DGCR2: variants seen among roughly 807,000 people sequenced by gnomAD.
The protein encoded by DGCR2 is DiGeorge syndrome critical region gene 2, also known as integral membrane protein DGCR2/IDD.
DGCR2 carries 24 observed loss-of-function variants against 51.6 expected under a neutral mutation model. That is an observed-to-expected ratio of 0.47 (90% CI 0.34 to 0.65). The LOEUF is 0.65. Ranked by LOEUF, DGCR2 falls within the 30% of genes least tolerant of loss-of-function variation. The probability of loss-of-function intolerance (pLI) is 0.01; values close to 1 mark genes in which losing one functional copy is unlikely to be tolerated. For missense variants in DGCR2, 765 were observed against 772.1 expected, an observed-to-expected ratio of 0.99 and a Z score of 0.11; for synonymous variants, 340 against 315.4, an observed-to-expected ratio of 1.08 and a Z score of -0.82.
chr22:19,052,335 G>C (rs1426828227), intron 6 of DGCR2, among the ~76,000 whole-genome samples: 1 of 152,100 alleles, frequency 6.6e-6, no homozygotes, highest in African/African-American at 2.4e-5. Flanking sequence ...CGAATCGCTT[G>C]AACCCAAGAG....
intron 1 of DGCR2, among the ~76,000 whole-genome samples, chr22:19,105,769 TC>T (rs2083255335): frequency 6.6e-6 from 1 of 152,126 alleles, no homozygotes; most frequent in Non-Finnish European, 1.5e-5. Context: ...GACCTGGCAT[TC>T]CAAACAGTGC....
chr22:19,114,607 C>G (rs1323861208), intron 1 of DGCR2, among the ~76,000 whole-genome samples: 1 of 152,238 alleles, frequency 6.6e-6, no homozygotes, highest in African/African-American at 2.4e-5. Context: ...GGAGAGACCT[C>G]TGCATCAGCA....
intron 7 of DGCR2, chr22:19,046,649 T>C (rs2082492684): frequency 3.3e-6 from 1 of 301,588 alleles, no homozygotes; most frequent in Non-Finnish European, 7.3e-6. Flanking sequence ...GTTTTGGTGA[T>C]AGTGTCTCGG....
At chr22:19,083,653 C>T (rs1313730466) in intron 2 of DGCR2, among the ~76,000 whole-genome samples, 1 of 151,392 alleles carries the variant, frequency 6.6e-6, no homozygotes, top group Non-Finnish European at 1.5e-5. Context: ...TGTTAATTCT[C>T]GTTTATATCA....
At chr22:19,100,969 G>C (rs2083195257) in intron 1 of DGCR2, among the ~76,000 whole-genome samples, 1 of 152,020 alleles carries the variant, frequency 6.6e-6, no homozygotes, top group Non-Finnish European at 1.5e-5. Flanking sequence ...AGCCGGGCGT[G>C]GTGGCACGCT....
At chr22:19,069,092 G>A (rs952269187) in intron 2 of DGCR2, among the ~76,000 whole-genome samples, 1 of 152,244 alleles carries the variant, frequency 6.6e-6, no homozygotes, top group Admixed American at 6.5e-5. Flanking sequence ...GGTGTACCCT[G>A]ATGTGTCATG....
chr22:19,039,450 G>C (rs1261254706), intron 9 of DGCR2, among the ~76,000 whole-genome samples: 2 of 152,180 alleles, frequency 1.3e-5, no homozygotes, highest in South Asian at 2.1e-4. Flanking sequence ...AGAACAGAGG[G>C]GCCCAAAGGG....
intron 2 of DGCR2, among the ~76,000 whole-genome samples, chr22:19,069,288 C>T (rs768649720): frequency 6.4e-4 from 97 of 152,198 alleles, no homozygotes; most frequent in Admixed American, 1.2e-3. Context: ...GAACCTGAAC[C>T]GGCAGTCAGC....
At chr22:19,081,377 T>C (rs2082934890) in intron 2 of DGCR2, among the ~76,000 whole-genome samples, 1 of 152,244 alleles carries the variant, frequency 6.6e-6, no homozygotes, top group Non-Finnish European at 1.5e-5. Flanking sequence ...AATATAACGA[T>C]CTGTTTTGCT....
At chr22:19,060,275 G>C (rs2082646457) in intron 5 of DGCR2, among the ~76,000 whole-genome samples, 3 of 152,220 alleles carry the variant, frequency 2.0e-5, no homozygotes. Flanking sequence ...CTGACTGCTG[G>C]CCTCAGCGGG....
chr22:19,053,305 C>A (rs775227699), intron 6 of DGCR2, among the ~76,000 whole-genome samples: 53 of 152,184 alleles, frequency 3.5e-4, no homozygotes, highest in Non-Finnish European at 2.1e-4. Flanking sequence ...TGCTAACAAG[C>A]CTTGAGTCAC....
At chr22:19,074,738 A>G (rs1181914564) in intron 2 of DGCR2, among the ~76,000 whole-genome samples, 3 of 152,240 alleles carry the variant, frequency 2.0e-5, no homozygotes, top group Non-Finnish European at 2.9e-5. Context: ...ACTTGAATAA[A>G]GATAAAACTA....
At position 19,068,229 on chromosome 22, in the gene DGCR2, A is replaced by C; in HGVS notation, c.203-4T>G. 6.3e-7 allele frequency: 1 copy of C among 1,589,868 alleles called. No homozygotes were observed. The highest frequency in any genetic ancestry group is 1.1e-5 in the South Asian group (1 of 87,514). ...GGACGCACCTCCCCGGTCACTTCTG[A>C]AAGCAAAAGGAGATGTGTGCTGTGA... is the stretch of plus-strand genomic sequence containing the variant. On this transcript the variant is annotated splice_region_variant and splice_polypyrimidine_tract_variant and intron_variant, in intron 2 of 9. Transcript: ENST00000263196.
rs60372595 is a variant in DGCR2, at chr22:19,067,692, C to CTAAATAAA, written c.328+400_328+407dup. Among the ~76,000 whole-genome samples, 950 of 150,038 alleles carry CTAAATAAA rather than the reference C, an allele frequency of 6.3e-3. 9 individuals are homozygous for CTAAATAAA. Among genetic ancestry groups the CTAAATAAA allele is most frequent in the African/African-American group, 0.02 (818 of 40,832 alleles). ...GGGTGACAAGCGTGAGACTCCGTCT[C>CTAAATAAA]TAAATAAATAAATAAATAAATAAAT... On this transcript the variant is annotated intron_variant, in intron 3 of 9. Coordinates refer to ENST00000263196, the MANE Select transcript of DGCR2 (RefSeq NM_005137.3).
chr22:19,104,946 G>A (rs1026212282), intron 1 of DGCR2, among the ~76,000 whole-genome samples: 13 of 152,314 alleles, frequency 8.5e-5, no homozygotes, highest in African/African-American at 3.1e-4. Context: ...ATTGTAACAG[G>A]CGACCACGCA....
chr22:19,122,232 GCGGCTGGAAGGC>G lies in DGCR2; in HGVS notation c.-38_-27del. On this transcript the variant is annotated 5_prime_UTR_variant, in exon 1 of 10. Transcript: ENST00000263196. The stretch of plus-strand genomic sequence containing the variant: ...TTATCCTCCGTTCATCGTCCCCGGG[GCGGCTGGAAGGC>G]CGGACCAGGCCGGACTGAGGGTCAG... 8.1e-6 allele frequency: 10 copies of G among 1,233,022 alleles called. No individual in the cohort carries two copies. The highest frequency in any genetic ancestry group is 9.8e-6 in the Non-Finnish European group (9 of 920,280). The allele number at this position is 1,233,022 out of a possible 1,614,324, so 76.4% of individuals were successfully genotyped here. A position where few individuals can be genotyped will look rare whatever the true frequency, so the allele number is the denominator to read the frequency against.
chr22:19,100,044 T>C (rs181485332), intron 1 of DGCR2, among the ~76,000 whole-genome samples: 38 of 149,920 alleles, frequency 2.5e-4, no homozygotes, highest in Admixed American at 9.3e-4. Context: ...GAGGCCAAGG[T>C]AGGAGGATCA....
chr22:19,053,356 T>C (rs2082569094), intron 6 of DGCR2, among the ~76,000 whole-genome samples: 1 of 152,132 alleles, frequency 6.6e-6, no homozygotes, highest in Admixed American at 6.5e-5. Context: ...AGACAGACTC[T>C]AGAGATGTAG....
rs1160315155 is a variant in DGCR2 at position 19,039,137 on chromosome 22, G to C, written c.1397-16C>G. 10 of 1,612,432 alleles carry C rather than the reference G, an allele frequency of 6.2e-6. No individual in the cohort carries two copies. The highest frequency in any genetic ancestry group is 1.7e-5 in the Admixed American group (1 of 59,980). ...GCATCATCGTCTGCAGGAAGAGACAGAGGGGTGTCAGAGGCAGGTACGGGC... is the reference window on the plus strand; with the variant it reads ...GCATCATCGTCTGCAGGAAGAGACACAGGGGTGTCAGAGGCAGGTACGGGC... On this transcript the variant is annotated splice_polypyrimidine_tract_variant and intron_variant, in intron 9 of 9. Coordinates refer to ENST00000263196, the MANE Select transcript of DGCR2 (RefSeq NM_005137.3).
Sources: gnomAD v4.1 joint callset for allele counts (sites outside exome capture counted in the v4.1 genomes callset) on GRCh38, gnomAD v4.1.1 for gene constraint, MANE v1.5 for transcripts, NCBI Gene and HGNC (gene_info 2026-07-23, HGNC 2026-07-21) for gene names.